The following DNAJC3 variants were observed in gnomAD, a reference collection of about 807,000 sequenced individuals.
The protein encoded by DNAJC3 is DnaJ heat shock protein family (Hsp40) member C3, also known as dnaJ homolog subfamily C member 3.
A neutral mutation model predicts 68.6 loss-of-function variants in DNAJC3; 38 were observed. The observed-to-expected ratio is 0.55, with a 90% CI of 0.43 to 0.73. The LOEUF is 0.73. DNAJC3 is among the 30% of genes least tolerant of loss of function. The pLI is 0.00. For missense variants in DNAJC3, 526 were observed against 591.9 expected (o/e 0.89, Z 1.16); for synonymous variants, 203 against 204.0 (o/e 1.00, Z 0.04).
At chr13:95,771,164 A>G (rs550313856) in intron 9 of DNAJC3, among the ~76,000 whole-genome samples, 4 of 152,278 alleles carry the variant, frequency 2.6e-5, no homozygotes, top group Middle Eastern at 6.8e-3. Flanking sequence ...TTCAACTTGT[A>G]TATCATTAAC....
intron 9 of DNAJC3, among the ~76,000 whole-genome samples, chr13:95,764,658 ATATAT>A (rs1394775428): frequency 8.7e-6 from 1 of 114,872 alleles, no homozygotes; most frequent in Non-Finnish European, 1.7e-5. Context: ...ATATATATAT[ATATAT>A]ATATATATAT....
At chr13:95,789,223 G>A (rs1883691805) in intron 11 of DNAJC3, among the ~76,000 whole-genome samples, 1 of 151,760 alleles carries the variant, frequency 6.6e-6, no homozygotes, top group Admixed American at 6.6e-5. Flanking sequence ...TGTGTGTTAT[G>A]GGGGTTTGTT....
At chr13:95,764,782 C>G (rs1445650979) in intron 9 of DNAJC3, among the ~76,000 whole-genome samples, 1 of 133,812 alleles carries the variant, frequency 7.5e-6, no homozygotes, top group Non-Finnish European at 1.6e-5. Context: ...TAGTTTTGTG[C>G]CTTTTTTCAT....
At chr13:95,698,827 A>G (rs752062415) in intron 1 of DNAJC3, among the ~76,000 whole-genome samples, 5 of 152,218 alleles carry the variant, frequency 3.3e-5, no homozygotes, top group African/African-American at 4.8e-5. Flanking sequence ...TTAGTTTTTT[A>G]TAGGAGTATA....
rs529489328 is a variant in DNAJC3 at position 95,725,840 on chromosome 13, A to G, written c.393+588A>G. 2.1e-3 allele frequency among the ~76,000 whole-genome samples: 205 copies of G among 96,626 alleles called. 2 individuals carry two copies. Among genetic ancestry groups the G allele is most frequent in the African/African-American group, 8.0e-3 (193 of 24,252 alleles). The allele number at this position is 96,626 out of a possible 152,430, so 63.4% of individuals were successfully genotyped here. ...CCCTCCCCCCTCCCCCCACCCCACAACAGTCCCCGGAGTGTGATGTTCCCC... is the reference window on the plus strand; with the variant it reads ...CCCTCCCCCCTCCCCCCACCCCACAGCAGTCCCCGGAGTGTGATGTTCCCC... On this transcript the variant is annotated intron_variant, in intron 4 of 11. Coordinates refer to ENST00000602402, the MANE Select transcript of DNAJC3 (RefSeq NM_006260.5).
rs1244002164 is a variant in DNAJC3, at chr13:95,793,019, C to T, written c.*1989C>T. 1 of 152,218 alleles carries T rather than the reference C, an allele frequency of 6.6e-6. No individual in the cohort carries two copies. The highest frequency in any genetic ancestry group is 1.9e-4 in the East Asian group (1 of 5,194). 9.4% of individuals were successfully genotyped at this position (152,218 alleles called of 1,614,324 possible). A position where few individuals can be genotyped will look rare whatever the true frequency, so the allele number is the denominator to read the frequency against. The stretch of plus-strand genomic sequence containing the variant: ...GGCCGCACAGGAGATGTGTGGGGGC[C>T]TGGCCACCTCCCACCTGCTGCCCAG... On this transcript the variant is annotated 3_prime_UTR_variant, in exon 12 of 12. Transcript: ENST00000602402.
At position 95,763,875 on chromosome 13, in the gene DNAJC3, T is replaced by G. The variant is rs772332281; in HGVS notation, c.997T>G (p.Leu333Val). The G allele has an allele frequency of 9.3e-6, 15 of 1,613,958 alleles. No homozygotes were observed. Among genetic ancestry groups the G allele is most frequent in the African/African-American group, 1.3e-5 (1 of 74,926 alleles). The change falls in exon 9 of 12, where the codon TTA becomes GTA. Residue 333 changes from leucine (L) to valine (V), a missense_variant. By Grantham distance (32) the Leu-to-Val change is conservative (BLOSUM62 1). Coordinates refer to ENST00000602402, the MANE Select transcript of DNAJC3 (RefSeq NM_006260.5). Reference protein sequence around the residue: ...VEAIRVCSEVLQMEPDNVNAL... With the variant: ...VEAIRVCSEVVQMEPDNVNAL... Reference sequence around the variant, plus strand: ...AGCTATTAGGGTTTGTTCTGAAGTTTTACAGATGGAACCTGACAATGTGAA... The same window carrying G: ...AGCTATTAGGGTTTGTTCTGAAGTTGTACAGATGGAACCTGACAATGTGAA...
chr13:95,721,728 C>T (rs1407476062), intron 2 of DNAJC3, among the ~76,000 whole-genome samples: 1 of 151,314 alleles, frequency 6.6e-6, no homozygotes, highest in African/African-American at 2.4e-5. Flanking sequence ...TTGCATTTTC[C>T]TAAAAACTTG....
Position 95,704,288 on chromosome 13 carries a change from A to G in DNAJC3, c.83-4939A>G, listed in dbSNP as rs1880657964. ...TGTGGGTATAATAATGAGAGGAGCCATGCCTGCTTCTACTTTTTGATTCCT... is the reference window on the plus strand; with the variant it reads ...TGTGGGTATAATAATGAGAGGAGCCGTGCCTGCTTCTACTTTTTGATTCCT... On this transcript the variant is annotated intron_variant, in intron 1 of 11. Transcript: ENST00000602402. Among the ~76,000 whole-genome samples, 4 of 152,210 alleles carry G rather than the reference A, an allele frequency of 2.6e-5. No homozygotes were observed. In the South Asian group the frequency reaches 8.3e-4, roughly 32 times the overall value.
At chr13:95,759,909 C>A in intron 5 of DNAJC3, 131 bp from the exon 6 acceptor site, 3 of 820,754 alleles carry the variant, frequency 3.7e-6, no homozygotes, top group Non-Finnish European at 5.2e-6. Context: ...ATAATATTTG[C>A]ACTATATAAG....
chr13:95,682,750 T>C (rs1879954043), intron 1 of DNAJC3, among the ~76,000 whole-genome samples: 1 of 152,224 alleles, frequency 6.6e-6, no homozygotes, highest in African/African-American at 2.4e-5. Context: ...AGAGAGTGGA[T>C]TGCAAAAACA....
intron 1 of DNAJC3, among the ~76,000 whole-genome samples, chr13:95,689,832 T>G (rs971043106): frequency 2.6e-5 from 4 of 152,172 alleles, no homozygotes; most frequent in Non-Finnish European, 5.9e-5. Context: ...TATTTTGATT[T>G]CTGCTTTAAT....
At chr13:95,722,080 C>T (rs1470891535) in intron 2 of DNAJC3, among the ~76,000 whole-genome samples, 1 of 151,924 alleles carries the variant, frequency 6.6e-6, no homozygotes, top group African/African-American at 2.4e-5. Flanking sequence ...TTATATGCTT[C>T]TATTTCCAAA....
At chr13:95,684,791 C>T (rs1880027487) in intron 1 of DNAJC3, among the ~76,000 whole-genome samples, 1 of 152,240 alleles carries the variant, frequency 6.6e-6, no homozygotes, top group Non-Finnish European at 1.5e-5. Context: ...CTGAAAGGGG[C>T]CCAGATATAG....
intron 9 of DNAJC3, among the ~76,000 whole-genome samples, chr13:95,783,515 C>T (rs1883511070): frequency 6.6e-6 from 1 of 152,144 alleles, no homozygotes; most frequent in Admixed American, 6.5e-5. Context: ...TAAAGTTAAA[C>T]CTTACTACTG....
intron 1 of DNAJC3, 86 bp downstream of exon 1, chr13:95,677,423 G>A: frequency 1.4e-6 from 2 of 1,389,758 alleles, no homozygotes; most frequent in Non-Finnish European, 1.9e-6. Context: ...CGCCTGTCCC[G>A]GAGCGGCTCG....
intron 9 of DNAJC3, among the ~76,000 whole-genome samples, chr13:95,768,100 G>T (rs1177975379): frequency 6.6e-6 from 1 of 152,044 alleles, no homozygotes; most frequent in Admixed American, 6.6e-5. Context: ...TTTCCCTAAT[G>T]ATTAGTGATG....
At chr13:95,677,402 C>T (rs1401546185) in intron 1 of DNAJC3, 65 bp downstream of exon 1, 8 of 1,489,062 alleles carry the variant, frequency 5.4e-6, no homozygotes, top group Non-Finnish European at 7.2e-6. Context: ...GCTTTCCCGT[C>T]TGCGCCCGGG....
rs1451353615 is a variant in DNAJC3 at position 95,677,240 on chromosome 13, T to G, written c.-16T>G. 7.5e-6 allele frequency: 12 copies of G among 1,600,212 alleles called. 1 individual carries two copies. The South Asian group carries it at 1.2e-4, about 16-fold the overall frequency. On this transcript the variant is annotated 5_prime_UTR_variant, in exon 1 of 12. Coordinates refer to ENST00000602402, the MANE Select transcript of DNAJC3 (RefSeq NM_006260.5). ...GCCACACACCTTTCCTCCTCTTCAC[T>G]CGCGAGCCCTCGGACATGGTGGCCC...
Sources: gnomAD v4.1 joint callset for allele counts (sites outside exome capture counted in the v4.1 genomes callset) on GRCh38, gnomAD v4.1.1 for gene constraint, MANE v1.5 for transcripts, NCBI Gene and HGNC (gene_info 2026-07-23, HGNC 2026-07-21) for gene names.